The following SNX1 variants were observed in gnomAD, a reference collection of about 807,000 sequenced individuals.
SNX1 encodes the protein sorting nexin-1.
SNX1 carries 36 observed loss-of-function variants against 71.8 expected under a neutral mutation model. The observed-to-expected ratio is 0.50, with a 90% confidence interval of 0.38 to 0.66. SNX1 has a LOEUF of 0.66. SNX1 is among the 30% of genes least tolerant of loss of function. SNX1 has a pLI of 0.00. For missense variants in SNX1, 612 were observed against 646.7 expected (o/e 0.95, Z 0.58); for synonymous variants, 254 against 240.7 (o/e 1.06, Z -0.51).
At position 64,134,900 on chromosome 15, in the gene SNX1, G is replaced by T. The variant is rs566330974; in HGVS notation, c.1365+93G>T. ...ACCCAGAGGTTTGGAACCCCACAGGGGGAAGAGCGCTGATTGAGTCTAAAG... is the reference window on the plus strand; with the variant it reads ...ACCCAGAGGTTTGGAACCCCACAGGTGGAAGAGCGCTGATTGAGTCTAAAG... On this transcript the variant is annotated intron_variant, in intron 12 of 14. Transcript: ENST00000559844. This position sits in a 1 kb window ranked among gnomAD's most constrained non-coding sequence, Gnocchi z 4.1. 1.3e-6 allele frequency: 2 copies of T among 1,507,076 alleles called. No individual in the cohort carries two copies. Among genetic ancestry groups the T allele is most frequent in the East Asian group, 4.9e-5 (2 of 41,192 alleles). The allele number at this position is 1,507,076 out of a possible 1,614,324, so 93.4% of individuals were successfully genotyped here.
chr15:64,123,558 T>A lies in SNX1; in HGVS notation c.510+12T>A. The stretch of plus-strand genomic sequence containing the variant: ...AAGTTACAACACAGGTGAGTCCAGG[T>A]GACCCTGCTGATGACCATCTTCATA... On this transcript the variant is annotated intron_variant, in intron 5 of 14. Coordinates refer to ENST00000559844, the MANE Select transcript of SNX1 (RefSeq NM_003099.5). The A allele has an allele frequency of 6.2e-7, 1 of 1,611,194 alleles. No individual in the cohort carries two copies. Among genetic ancestry groups the A allele is most frequent in the East Asian group, 2.2e-5 (1 of 44,874 alleles).
In SNX1 at chr15:64,139,831, C is replaced by CT. The variant is rs1388825712; in HGVS notation, c.*2216dup. ...TGCAGATTCCTCAACTTTCTTTTGTCTTTCATTACCATGACATTTTTGAAG... is the reference window on the plus strand; with the variant it reads ...TGCAGATTCCTCAACTTTCTTTTGTCTTTTCATTACCATGACATTTTTGAAG... On this transcript the variant is annotated 3_prime_UTR_variant, in exon 15 of 15. Coordinates refer to ENST00000559844, the MANE Select transcript of SNX1 (RefSeq NM_003099.5). 6.6e-6 allele frequency: 1 copy of CT among 152,152 alleles called. No individual in the cohort carries two copies. Among genetic ancestry groups the CT allele is most frequent in the African/African-American group, 2.4e-5 (1 of 41,416 alleles). 9.4% of individuals were successfully genotyped at this position (152,152 alleles called of 1,614,324 possible).
Position 64,138,275 on chromosome 15 carries a change from ATCTATTAAAACCTAT to A in SNX1, c.*661_*675del, listed in dbSNP as rs533279822. On this transcript the variant is annotated 3_prime_UTR_variant, in exon 15 of 15. Transcript: ENST00000559844. Reference sequence around the variant, plus strand: ...CATCTCTTAAAATAAGAGGAGCAAAATCTATTAAAACCTATTCTCCTGCAAAGGAGGCAGAGACTT... The same window carrying A: ...CATCTCTTAAAATAAGAGGAGCAAAATCTCCTGCAAAGGAGGCAGAGACTT... 7.4e-7 allele frequency: 1 copy of A among 1,355,576 alleles called. No homozygotes were observed. Among genetic ancestry groups the A allele is most frequent in the South Asian group, 1.6e-5 (1 of 63,860 alleles). 84.0% of individuals were successfully genotyped at this position (1,355,576 alleles called of 1,614,324 possible).
chr15:64,118,926 T>C, intron 4 of SNX1, 72 bp downstream of exon 4: 2 of 1,164,032 alleles, frequency 1.7e-6, no homozygotes, highest in Non-Finnish European at 2.6e-6. Flanking sequence ...AATTTCAGGA[T>C]GGCTACCCCC....
chr15:64,127,613 T>G (rs1483831522), intron 7 of SNX1, 118 bp from the exon 8 acceptor site: 1 of 712,280 alleles, frequency 1.4e-6, no homozygotes, highest in African/African-American at 1.8e-5. Flanking sequence ...GTACCTTATC[T>G]TAGGGTACTT....
At chr15:64,131,614 A>G (rs1019417037) in intron 10 of SNX1, 73 bp from the exon 11 acceptor site, 2 of 1,457,230 alleles carry the variant, frequency 1.4e-6, no homozygotes, top group African/African-American at 2.8e-5. Context: ...AAGACATGCC[A>G]TGCAGTGTCA....
intron 1 of SNX1, among the ~76,000 whole-genome samples, chr15:64,107,905 G>A (rs2081038714): frequency 6.6e-6 from 1 of 152,032 alleles, no homozygotes; most frequent in Admixed American, 6.6e-5. Flanking sequence ...TAAAAATATG[G>A]GTTATTGGCC....
At position 64,137,755 on chromosome 15, in the gene SNX1, G is replaced by A; in HGVS notation, c.*137G>A. ...TTCCTCCCTGTCCCCACGACCAACTGTCCCCAGTTACTCTAACCGTTATTT... is the reference window on the plus strand; with the variant it reads ...TTCCTCCCTGTCCCCACGACCAACTATCCCCAGTTACTCTAACCGTTATTT... On this transcript the variant is annotated 3_prime_UTR_variant, in exon 15 of 15. Coordinates refer to ENST00000559844, the MANE Select transcript of SNX1 (RefSeq NM_003099.5). The A allele has an allele frequency of 6.7e-7, 1 of 1,492,556 alleles. No homozygotes were observed. Among genetic ancestry groups the A allele is most frequent in the South Asian group, 1.3e-5 (1 of 76,094 alleles). The allele number at this position is 1,492,556 out of a possible 1,614,324, so 92.5% of individuals were successfully genotyped here.
rs753231591 is a variant in SNX1, at chr15:64,096,186, C to T, written c.159+14C>T. ...GCCGCGGTGGTCGTGAGTTTGCACC[C>T]CTCGGGGTAGCAGGCGGGAGGGCAC... On this transcript the variant is annotated intron_variant, in intron 1 of 14. Coordinates refer to ENST00000559844, the MANE Select transcript of SNX1 (RefSeq NM_003099.5). 2.6e-6 allele frequency: 4 copies of T among 1,547,082 alleles called. No individual in the cohort carries two copies. Among genetic ancestry groups the T allele is most frequent in the South Asian group, 1.2e-5 (1 of 83,948 alleles).
At chr15:64,114,915 GA>G (rs2081113363) in intron 2 of SNX1, among the ~76,000 whole-genome samples, 1 of 152,168 alleles carries the variant, frequency 6.6e-6, no homozygotes, top group African/African-American at 2.4e-5. Context: ...GCCAAGGTGG[GA>G]AGATTCCTTG....
In SNX1 at chr15:64,137,733, C is replaced by A; in HGVS notation, c.*115C>A. The A allele has an allele frequency of 6.5e-7, 1 of 1,542,228 alleles. No homozygotes were observed. The highest frequency in any genetic ancestry group is 8.8e-7 in the Non-Finnish European group (1 of 1,139,342). The stretch of plus-strand genomic sequence containing the variant: ...TGCCTAGGCTGGACTTAACCCCTTC[C>A]TCCCTGTCCCCACGACCAACTGTCC... On this transcript the variant is annotated 3_prime_UTR_variant, in exon 15 of 15. Coordinates refer to ENST00000559844, the MANE Select transcript of SNX1 (RefSeq NM_003099.5).
intron 1 of SNX1, among the ~76,000 whole-genome samples, chr15:64,101,126 T>G (rs1163318603): frequency 1.3e-5 from 2 of 152,152 alleles, no homozygotes; most frequent in South Asian, 2.1e-4. Flanking sequence ...TTGAAAAAAC[T>G]GGGGTAAAAT....
At chr15:64,107,916 G>C (rs750782552) in intron 1 of SNX1, among the ~76,000 whole-genome samples, 1 of 152,112 alleles carries the variant, frequency 6.6e-6, no homozygotes, top group African/African-American at 2.4e-5. Context: ...GTTATTGGCC[G>C]GGCGCAGTGG....
At chr15:64,107,618 T>A (rs542706066) in intron 1 of SNX1, among the ~76,000 whole-genome samples, 102 of 152,324 alleles carry the variant, frequency 6.7e-4, no homozygotes, top group African/African-American at 2.4e-3. Context: ...CTGTATGCTC[T>A]TTTAATTATA....
chr15:64,097,177 A>G (rs1256371251), intron 1 of SNX1, among the ~76,000 whole-genome samples: 1 of 152,156 alleles, frequency 6.6e-6, no homozygotes, highest in Non-Finnish European at 1.5e-5. Flanking sequence ...AGATGAACGG[A>G]TGGTCCCTGC....
intron 5 of SNX1, 96 bp from the exon 6 acceptor site, chr15:64,125,983 C>G (rs2081247839): frequency 3.0e-6 from 4 of 1,319,780 alleles, no homozygotes; most frequent in Non-Finnish European, 4.3e-6. Flanking sequence ...GGGCAGGGAT[C>G]TGGGAAATGG....
At chr15:64,104,486 G>A (rs1271501184) in intron 1 of SNX1, among the ~76,000 whole-genome samples, 2 of 151,998 alleles carry the variant, frequency 1.3e-5, no homozygotes, top group African/African-American at 4.8e-5. Context: ...TGTTAGCCAG[G>A]ATGGTCTCAA....
At chr15:64,114,013 C>A (rs2140141296) in intron 2 of SNX1, among the ~76,000 whole-genome samples, 1 of 152,218 alleles carries the variant, frequency 6.6e-6, no homozygotes, top group East Asian at 1.9e-4. Context: ...GAAGATAAGG[C>A]TGGAAATGTA....
chr15:64,137,881 T>G lies in SNX1; in HGVS notation c.*263T>G. On this transcript the variant is annotated 3_prime_UTR_variant, in exon 15 of 15. Coordinates refer to ENST00000559844, the MANE Select transcript of SNX1 (RefSeq NM_003099.5). Reference sequence around the variant, plus strand: ...TGGAATTATGGGATGGGGTGGAGTATTGATATAAATATATAAATACAAATG... The same window carrying G: ...TGGAATTATGGGATGGGGTGGAGTAGTGATATAAATATATAAATACAAATG... The G allele has an allele frequency of 1.4e-6, 2 of 1,403,090 alleles. No homozygotes were observed. The highest frequency in any genetic ancestry group is 1.8e-6 in the Non-Finnish European group (2 of 1,083,090). 86.9% of individuals were successfully genotyped at this position (1,403,090 alleles called of 1,614,324 possible).
Sources: allele counts gnomAD v4.1 joint callset (sites outside exome capture counted in the v4.1 genomes callset), GRCh38; gene constraint gnomAD v4.1.1; non-coding constraint Gnocchi (gnomAD v3.1); transcripts MANE v1.5; gene names NCBI Gene and HGNC (gene_info 2026-07-23, HGNC 2026-07-21).